Variants in TJP2 observed in about 807,000 individuals in gnomAD.
TJP2 encodes the protein tight junction protein 2.
TJP2 carries 91 observed loss-of-function variants against 133.1 expected under a neutral mutation model. That is an observed-to-expected ratio of 0.68 (90% CI 0.58 to 0.81). TJP2 has a LOEUF of 0.81. TJP2 is among the 40% of genes least tolerant of loss of function. The pLI, the probability that TJP2 is intolerant of heterozygous loss-of-function variation, is 0.00. For missense variants in TJP2, 1,541 were observed against 1,565.6 expected (o/e 0.98, Z 0.26); for synonymous variants, 592 against 583.4 (o/e 1.01, Z -0.21).
intron 3 of TJP2, 54 bp downstream of exon 3, chr9:69,216,517 G>C: frequency 1.9e-6 from 3 of 1,602,672 alleles, no homozygotes; most frequent in South Asian, 1.1e-5. Context: ...GTTGGCCCTA[G>C]ACGGGGTATT....
intron 1 of TJP2, among the ~76,000 whole-genome samples, chr9:69,196,600 C>CT (rs35520926): frequency 3.4e-3 from 429 of 124,474 alleles, no homozygotes; most frequent in Non-Finnish European, 6.2e-3. Context: ...ACGATGTGAT[C>CT]TTTTTTTTAA....
At chr9:69,206,072 AG>A (rs1192899496) in intron 1 of TJP2, among the ~76,000 whole-genome samples, 2 of 152,092 alleles carry the variant, frequency 1.3e-5, no homozygotes, top group South Asian at 2.1e-4. Context: ...TAATGCATTA[AG>A]TTTTTTGTTT....
chr9:69,211,834 G>T (rs1318632608), intron 1 of TJP2, among the ~76,000 whole-genome samples: 2 of 151,916 alleles, frequency 1.3e-5, no homozygotes, highest in African/African-American at 2.4e-5. Context: ...ACCCTGTTTG[G>T]ATCCCCAGCC....
rs1023202728 is a variant in TJP2 at position 69,254,990 on chromosome 9, A to G, written c.*616A>G. ...GGCATTTGTCTTTGTAATATTTTCC[A>G]TAAATTTGGACTGTCTATATCATAA... On this transcript the variant is annotated 3_prime_UTR_variant, in exon 23 of 23. Coordinates refer to ENST00000377245, the MANE Select transcript of TJP2 (RefSeq NM_004817.4). The G allele has an allele frequency of 4.9e-6, 1 of 202,450 alleles. No homozygotes were observed. Among genetic ancestry groups the G allele is most frequent in the African/African-American group, 2.3e-5 (1 of 43,404 alleles). 12.5% of individuals were successfully genotyped at this position (202,450 alleles called of 1,614,324 possible).
In TJP2 at chr9:69,124,154, A is replaced by G. The variant is rs1306310908; in HGVS notation, c.-131+2429A>G. On this transcript the variant is annotated intron_variant, in intron 1 of 5. Transcript: ENST00000423935. ...CTCGGCCTTCCAAAGTGCTGGGATTACAGGCCTGAGCCACGGCGCCCAGCC... is the reference window on the plus strand; with the variant it reads ...CTCGGCCTTCCAAAGTGCTGGGATTGCAGGCCTGAGCCACGGCGCCCAGCC... Among the ~76,000 whole-genome samples, 2 of 74,330 alleles carry G rather than the reference A, an allele frequency of 2.7e-5. 1 individual carries two copies. The highest frequency in any genetic ancestry group is 6.1e-5 in the Non-Finnish European group (2 of 32,840). The allele number at this position is 74,330 out of a possible 152,430, so 48.8% of individuals were successfully genotyped here. A position where few individuals can be genotyped will look rare whatever the true frequency, so the allele number is the denominator to read the frequency against.
intron 2 of TJP2, among the ~76,000 whole-genome samples, chr9:69,155,133 A>G (rs536269628): frequency 6.7e-6 from 1 of 149,012 alleles, no homozygotes; most frequent in South Asian, 2.1e-4. Context: ...CAGGAGAATC[A>G]CTTGAACCTG....
intron 14 of TJP2, 40 bp downstream of exon 14, chr9:69,237,176 G>T (rs749700403): frequency 1.9e-6 from 3 of 1,610,292 alleles, no homozygotes; most frequent in East Asian, 4.5e-5. Flanking sequence ...AACTGACTGG[G>T]CTCTGAGCCT....
intron 1 of TJP2, among the ~76,000 whole-genome samples, chr9:69,131,850 G>C (rs1180811684): frequency 6.6e-6 from 1 of 152,216 alleles, no homozygotes; most frequent in Non-Finnish European, 1.5e-5. Flanking sequence ...TCTGTGGAGA[G>C]GGAGTGTCCT....
intron 1 of TJP2, among the ~76,000 whole-genome samples, chr9:69,211,331 C>G (rs1171531289): frequency 6.6e-6 from 1 of 152,156 alleles, no homozygotes; most frequent in Admixed American, 6.5e-5. Flanking sequence ...AACGAGACTC[C>G]GTCTCAAACA....
chr9:69,207,710 T>C (rs1827544311), intron 1 of TJP2, among the ~76,000 whole-genome samples: 1 of 152,224 alleles, frequency 6.6e-6, no homozygotes, highest in Non-Finnish European at 1.5e-5. Context: ...CAGATATTGC[T>C]AGCAAGTCTG....
In TJP2 at chr9:69,254,394, C is replaced by T. The variant is rs1444015869; in HGVS notation, c.*20C>T. The T allele has an allele frequency of 6.2e-7, 1 of 1,613,448 alleles. No homozygotes were observed. Among genetic ancestry groups the T allele is most frequent in the African/African-American group, 1.3e-5 (1 of 74,912 alleles). On this transcript the variant is annotated 3_prime_UTR_variant, in exon 23 of 23. Transcript: ENST00000377245. ...TTATAGATGTCTGAGCACGGACTCT[C>T]CCAGGCCTGCCTGCATGGCATCAGA...
rs367977571 is a variant in TJP2, at chr9:69,127,162, C to T, written c.-131+5437C>T. On this transcript the variant is annotated intron_variant, in intron 1 of 5. Coordinates refer to the TJP2 transcript ENST00000423935. ...TCGGCTCACTGCAAGCTCTGCCTCC[C>T]GGGTTCACGCCATTCTCCTGCCTCA... is the stretch of plus-strand genomic sequence containing the variant. Among the ~76,000 whole-genome samples the T allele has an allele frequency of 1.9e-4, 14 of 72,964 alleles. 5 individuals are homozygous for T. The highest frequency in any genetic ancestry group is 7.9e-4 in the South Asian group (2 of 2,534). The allele number at this position is 72,964 out of a possible 152,430, so 47.9% of individuals were successfully genotyped here.
At chr9:69,197,627 A>C (rs982642498) in intron 1 of TJP2, among the ~76,000 whole-genome samples, 1 of 151,684 alleles carries the variant, frequency 6.6e-6, no homozygotes, top group Non-Finnish European at 1.5e-5. Context: ...GAAAACCCTT[A>C]TCAAGAGTGC....
chr9:69,185,010 G>A (rs1297271423), intron 1 of TJP2, among the ~76,000 whole-genome samples: 4 of 151,110 alleles, frequency 2.6e-5, no homozygotes, highest in Non-Finnish European at 2.9e-5. Context: ...TCGGCCTCCC[G>A]AAGTGCTAGG....
At position 69,225,335 on chromosome 9, in the gene TJP2, C is replaced by T. The variant is rs1829255885; in HGVS notation, c.984C>T (p.Phe328=). 8.7e-6 allele frequency: 14 copies of T among 1,613,580 alleles called. No individual in the cohort carries two copies. The highest frequency in any genetic ancestry group is 1.7e-5 in the Admixed American group (1 of 59,972). ...EYGLRLGSQI[F]VKEMTRTGLA... is the part of the protein sequence containing the mutation. ...GTCTCCGGCTTGGGAGTCAGATCTT[C>T]GTAAAGGAAATGACCCGAACGGGTC... is the stretch of plus-strand genomic sequence containing the variant. The change falls in exon 6 of 23, where the codon TTC becomes TTT. Residue 328 remains phenylalanine (F), a synonymous_variant. Coordinates refer to ENST00000377245, the MANE Select transcript of TJP2 (RefSeq NM_004817.4).
chr9:69,237,879 T>C lies in TJP2; in HGVS notation c.2181T>C (p.Ala727=), dbSNP rs1378696227. The C allele has an allele frequency of 2.5e-5, 41 of 1,612,748 alleles. No homozygotes were observed. Among genetic ancestry groups the C allele is most frequent in the Non-Finnish European group, 3.4e-5 (40 of 1,178,778 alleles). Residue 727 remains alanine (A), a splice_region_variant and synonymous_variant, in exon 15 of 23, where the codon GCT becomes GCC. Coordinates refer to ENST00000377245, the MANE Select transcript of TJP2 (RefSeq NM_004817.4). Reference sequence around the variant, plus strand: ...TAATGGCCTTTCTTGTCATTTCAGCTGGTTTCAAGAGACCTGTGGTCTTAT... The same window carrying C: ...TAATGGCCTTTCTTGTCATTTCAGCCGGTTTCAAGAGACCTGTGGTCTTAT... ...PAYERVLLRE[A]GFKRPVVLFG...
At chr9:69,217,069 A>C (rs561192607) in intron 3 of TJP2, among the ~76,000 whole-genome samples, 1 of 150,386 alleles carries the variant, frequency 6.6e-6, no homozygotes, top group Admixed American at 6.7e-5. Context: ...GCTCACTGCA[A>C]CCATCACCTT....
chr9:69,225,164 G>A (rs1829239842), intron 5 of TJP2, 140 bp from the exon 6 acceptor site: 1 of 637,860 alleles, frequency 1.6e-6, no homozygotes, highest in South Asian at 1.7e-5. Flanking sequence ...TTTTTGAAGA[G>A]TTCAGGCCAG....
intron 2 of TJP2, among the ~76,000 whole-genome samples, chr9:69,213,816 C>T (rs1019943519): frequency 6.6e-6 from 1 of 152,116 alleles, no homozygotes; most frequent in African/African-American, 2.4e-5. Context: ...TTAGGCTTGG[C>T]ATAGAGGATG....
Sources: gnomAD v4.1 joint callset for allele counts (sites outside exome capture counted in the v4.1 genomes callset) on GRCh38, gnomAD v4.1.1 for gene constraint, MANE v1.5 for transcripts, NCBI Gene and HGNC (gene_info 2026-07-23, HGNC 2026-07-21) for gene names.